TAF3: variants seen among roughly 807,000 people sequenced by gnomAD.
TAF3 encodes the protein TATA-box binding protein associated factor 3, also known as transcription initiation factor TFIID subunit 3.
TAF3 carries 7 observed loss-of-function variants against 80.6 expected under a neutral mutation model. The observed-to-expected ratio is 0.09, with a 90% CI of 0.05 to 0.16. The LOEUF is 0.16. Among genes scored for constraint, TAF3 ranks in the 10% least tolerant of loss-of-function variants. The pLI is 1.00. For synonymous variants in TAF3, 444 were observed against 446.1 expected (o/e 1.00, Z 0.06); for missense variants, 921 against 1,140.2 (o/e 0.81, Z 2.77).
intron 2 of TAF3, among the ~76,000 whole-genome samples, chr10:7,955,514 A>G (rs1389091114): frequency 1.3e-5 from 2 of 152,228 alleles, no homozygotes; most frequent in Non-Finnish European, 2.9e-5. Context: ...TAGTTGGAGA[A>G]CATGCCACTG....
At chr10:7,959,915 T>C (rs1455477176) in intron 2 of TAF3, among the ~76,000 whole-genome samples, 2 of 152,238 alleles carry the variant, frequency 1.3e-5, no homozygotes, top group African/African-American at 4.8e-5. Context: ...GTATCCCCTG[T>C]AGTCCCTTTC....
chr10:7,938,096 T>A (rs1251764214), intron 2 of TAF3, among the ~76,000 whole-genome samples: 1 of 152,222 alleles, frequency 6.6e-6, no homozygotes, highest in Non-Finnish European at 1.5e-5. Context: ...AAACATTTTT[T>A]CAACAAAATA....
At chr10:7,860,780 TTTTCTTTCTTTCTTTC>T (rs369905405) in intron 2 of TAF3, among the ~76,000 whole-genome samples, 1 of 149,256 alleles carries the variant, frequency 6.7e-6, no homozygotes, top group Non-Finnish European at 1.5e-5. Context: ...AACAGGAGCC[TTTTCTTTCTTTCTTTC>T]TTTCTTTCTT....
chr10:7,894,314 C>T (rs910203161), intron 2 of TAF3, among the ~76,000 whole-genome samples: 2 of 152,066 alleles, frequency 1.3e-5, no homozygotes, highest in Non-Finnish European at 2.9e-5. Context: ...ACAGAGCAAA[C>T]GTGAAAAAAA....
intron 2 of TAF3, among the ~76,000 whole-genome samples, chr10:7,948,261 T>TC (rs1383945470): frequency 8.0e-5 from 12 of 149,830 alleles, no homozygotes; most frequent in East Asian, 7.8e-4. Context: ...TTTCTTTCTT[T>TC]TTTTTTTTTT....
chr10:8,000,155 G>A (rs889179081), intron 4 of TAF3, among the ~76,000 whole-genome samples: 1 of 151,850 alleles, frequency 6.6e-6, no homozygotes, highest in African/African-American at 2.4e-5. Context: ...TTTGAGACGG[G>A]GTCTCACTTT....
At chr10:8,007,251 G>A (rs1401817461) in intron 4 of TAF3, among the ~76,000 whole-genome samples, 1 of 152,052 alleles carries the variant, frequency 6.6e-6, no homozygotes, top group East Asian at 1.9e-4. Flanking sequence ...GGATAAATCA[G>A]GAGACATAAA....
At chr10:7,958,552 T>G (rs942384247) in intron 2 of TAF3, among the ~76,000 whole-genome samples, 4 of 152,102 alleles carry the variant, frequency 2.6e-5, no homozygotes, top group African/African-American at 4.8e-5. Context: ...GCAAACTACC[T>G]ACAAATATGG....
Position 7,965,699 on chromosome 10 carries a change from G to C in TAF3, c.2189G>C (p.Arg730Pro). 2 of 1,550,062 alleles carry C rather than the reference G, an allele frequency of 1.3e-6. No individual in the cohort carries two copies. The highest frequency in any genetic ancestry group is 1.7e-6 in the Non-Finnish European group (2 of 1,158,146). ...GAAAGAGAGAAAGAGAAGAGAGAGC[G>C]AGAGAAGAGAGAAAAAGAGAAGGAG... ...EKEREKEKRE[R>P]EKREKEKEKH... Residue 730 changes from arginine to proline, a missense_variant, in exon 3 of 7, where the codon CGA becomes CCA. This residue lies in a region of TAF3 where 743 missense variants were observed against 821.0 expected (regional missense o/e 0.90). Coordinates refer to ENST00000344293, the MANE Select transcript of TAF3 (RefSeq NM_031923.4).
In TAF3 at chr10:8,009,198, C is replaced by G. The variant is rs753023163; in HGVS notation, c.2436C>G (p.Pro812=). 33 of 1,451,904 alleles carry G rather than the reference C, an allele frequency of 2.3e-5. No individual in the cohort carries two copies. In the African/African-American group the frequency reaches 4.6e-4, roughly 20 times the overall value. The allele number at this position is 1,451,904 out of a possible 1,614,324, so 89.9% of individuals were successfully genotyped here. A position where few individuals can be genotyped will look rare whatever the true frequency, so the allele number is the denominator to read the frequency against. Residue 812 remains proline (P), a synonymous_variant, in exon 5 of 7, where the codon CCC becomes CCG. Coordinates refer to ENST00000344293, the MANE Select transcript of TAF3 (RefSeq NM_031923.4). This position sits in a 1 kb window ranked among gnomAD's most constrained non-coding sequence, Gnocchi z 4.1. ...GCCCCATGCTCGTCAGCCCTGCGCC[C>G]GTGCCGCTGCCGCTGCTCGCCCAGG... ...APGPMLVSPA[P]VPLPLLAQAA...
chr10:7,945,468 C>T (rs1475314492), intron 2 of TAF3, among the ~76,000 whole-genome samples: 1 of 152,124 alleles, frequency 6.6e-6, no homozygotes, highest in Non-Finnish European at 1.5e-5. Flanking sequence ...AAGACCTTTC[C>T]TCAGCTTTCT....
chr10:7,905,351 T>C (rs1837598230), intron 2 of TAF3, among the ~76,000 whole-genome samples: 1 of 152,236 alleles, frequency 6.6e-6, no homozygotes, highest in Non-Finnish European at 1.5e-5. Flanking sequence ...TTAGAGTTTT[T>C]CTTAATTTTA....
At chr10:7,899,004 T>TAAAA (rs1837533209) in intron 2 of TAF3, among the ~76,000 whole-genome samples, 1 of 152,164 alleles carries the variant, frequency 6.6e-6, no homozygotes, top group Non-Finnish European at 1.5e-5. Flanking sequence ...TAATGTCAGT[T>TAAAA]CCCATAGGTT....
chr10:7,829,046 A>G (rs1000628080), intron 2 of TAF3, among the ~76,000 whole-genome samples: 5 of 151,416 alleles, frequency 3.3e-5, no homozygotes, highest in Non-Finnish European at 7.4e-5. Flanking sequence ...AAAAAAAAAA[A>G]AAAAAAAAAA....
At chr10:7,967,464 G>A (rs959818588) in intron 3 of TAF3, among the ~76,000 whole-genome samples, 36 of 152,214 alleles carry the variant, frequency 2.4e-4, no homozygotes, top group Non-Finnish European at 1.0e-4. Context: ...GGAAGGCAAA[G>A]GCTCAGTCCC....
intron 4 of TAF3, among the ~76,000 whole-genome samples, chr10:7,996,645 GT>G (rs200029651): frequency 1.5e-4 from 23 of 151,432 alleles, no homozygotes; most frequent in Non-Finnish European, 2.2e-4. Flanking sequence ...TGTGAGGGGG[GT>G]TTTTTTTGTG....
At chr10:7,956,924 T>G (rs1462147734) in intron 2 of TAF3, among the ~76,000 whole-genome samples, 1 of 152,254 alleles carries the variant, frequency 6.6e-6, no homozygotes, top group Non-Finnish European at 1.5e-5. Context: ...GGTGTGATTC[T>G]TCATGTCTTT....
At chr10:7,861,586 A>T (rs1837148267) in intron 2 of TAF3, among the ~76,000 whole-genome samples, 1 of 150,162 alleles carries the variant, frequency 6.7e-6, no homozygotes, top group African/African-American at 2.4e-5. Context: ...TTCTGTACTG[A>T]TTTTTTTTTT....
chr10:7,837,270 G>A (rs1198621835), intron 2 of TAF3, among the ~76,000 whole-genome samples: 1 of 150,882 alleles, frequency 6.6e-6, no homozygotes, highest in Non-Finnish European at 1.5e-5. Flanking sequence ...GGCTGAGGCA[G>A]GAGAATTGCT....
Sources: gnomAD v4.1 joint callset for allele counts (sites outside exome capture counted in the v4.1 genomes callset) on GRCh38, gnomAD v4.1.1 for gene constraint, gnomAD v4.1.1 regional missense constraint, Gnocchi (gnomAD v3.1) non-coding constraint, MANE v1.5 for transcripts, NCBI Gene and HGNC (gene_info 2026-07-23, HGNC 2026-07-21) for gene names.